The following PDE7B variants were observed in gnomAD, a reference collection of about 807,000 sequenced individuals.
PDE7B encodes the protein 3',5'-cyclic-AMP phosphodiesterase 7B.
In PDE7B, 29 loss-of-function variants were observed where a neutral mutation model predicts 56.2. The observed-to-expected ratio is 0.52, with a 90% CI of 0.38 to 0.70. PDE7B has a LOEUF of 0.70. Among genes scored for constraint, PDE7B ranks in the 30% least tolerant of loss-of-function variants. The pLI is 0.00. For synonymous variants in PDE7B, 197 were observed against 196.9 expected (o/e 1.00, Z 0.00); for missense variants, 490 against 565.0 (o/e 0.87, Z 1.35).
intron 1 of PDE7B, among the ~76,000 whole-genome samples, chr6:135,916,350 C>G (rs1261082892): frequency 1.3e-5 from 2 of 149,500 alleles, no homozygotes; most frequent in Non-Finnish European, 1.5e-5. Context: ...AGTGTATCTA[C>G]TCAAGTCTTT....
At chr6:135,887,527 A>G (rs773573732) in intron 1 of PDE7B, among the ~76,000 whole-genome samples, 5 of 152,180 alleles carry the variant, frequency 3.3e-5, no homozygotes, top group Non-Finnish European at 5.9e-5. Flanking sequence ...GGTGAACCCA[A>G]TATTGACAAA....
intron 2 of PDE7B, among the ~76,000 whole-genome samples, chr6:136,029,079 T>C (rs1776197140): frequency 6.6e-6 from 1 of 152,230 alleles, no homozygotes; most frequent in Non-Finnish European, 1.5e-5. Context: ...GTTTTATAAG[T>C]AATAATTATC....
At chr6:136,107,492 G>A (rs1273508133) in intron 2 of PDE7B, among the ~76,000 whole-genome samples, 1 of 151,678 alleles carries the variant, frequency 6.6e-6, no homozygotes, top group Non-Finnish European at 1.5e-5. Context: ...AGCATTCAAA[G>A]TGCTATTATG....
At position 135,867,624 on chromosome 6, in the gene PDE7B, CT is replaced by C. The variant is rs545502437; in HGVS notation, c.21+15606del. Among the ~76,000 whole-genome samples, 16 of 152,246 alleles carry C rather than the reference CT, an allele frequency of 1.1e-4. No individual in the cohort carries two copies. The South Asian group carries it at 3.3e-3, about 32-fold the overall frequency. On this transcript the variant is annotated intron_variant, in intron 1 of 12. Transcript: ENST00000308191. ...GTAGGCCCCAGTGTGCACTGTTCCC[CT>C]CTTAAATGGTAAGTTTTATGAAACG...
chr6:136,102,145 TAC>T (rs1777573711), intron 2 of PDE7B, among the ~76,000 whole-genome samples: 1 of 152,056 alleles, frequency 6.6e-6, no homozygotes, highest in Non-Finnish European at 1.5e-5. Flanking sequence ...GTGGGGATGA[TAC>T]ACACACCTAT....
intron 3 of PDE7B, among the ~76,000 whole-genome samples, chr6:136,134,716 G>A (rs1465489896): frequency 2.1e-5 from 3 of 142,980 alleles, no homozygotes; most frequent in Non-Finnish European, 4.5e-5. Context: ...CATTCGTTGG[G>A]ATGGAGTTTA....
chr6:135,998,020 G>A (rs148496919), intron 2 of PDE7B, among the ~76,000 whole-genome samples: 33 of 152,234 alleles, frequency 2.2e-4, no homozygotes, highest in Non-Finnish European at 2.8e-4. Context: ...TAAATTTTAC[G>A]TTAGGCAAGT....
chr6:135,947,753 A>G (rs760992161), intron 2 of PDE7B, among the ~76,000 whole-genome samples: 1 of 152,076 alleles, frequency 6.6e-6, no homozygotes, highest in Non-Finnish European at 1.5e-5. Flanking sequence ...GAGTCTTTCA[A>G]AAATTTTCTT....
At chr6:136,031,685 G>A (rs1037512662) in intron 2 of PDE7B, among the ~76,000 whole-genome samples, 3 of 143,388 alleles carry the variant, frequency 2.1e-5, no homozygotes, top group Non-Finnish European at 4.5e-5. Context: ...CTTGCAGTGA[G>A]CCGAGATCCC....
chr6:135,869,796 C>T (rs771492514), intron 1 of PDE7B, among the ~76,000 whole-genome samples: 29 of 152,050 alleles, frequency 1.9e-4, no homozygotes, highest in African/African-American at 5.3e-4. Flanking sequence ...AGAGTGATCC[C>T]GGCAGAGGAG....
At chr6:135,879,519 C>T (rs536904823) in intron 1 of PDE7B, among the ~76,000 whole-genome samples, 2 of 151,932 alleles carry the variant, frequency 1.3e-5, no homozygotes, top group Non-Finnish European at 2.9e-5. Context: ...CTCTGCAGGA[C>T]CTACAAAAAG....
chr6:136,001,005 C>T (rs972183725), intron 2 of PDE7B, among the ~76,000 whole-genome samples: 2 of 152,196 alleles, frequency 1.3e-5, no homozygotes, highest in African/African-American at 4.8e-5. Flanking sequence ...GACAAAACTT[C>T]CAGAGGAACA....
At chr6:136,099,017 C>A (rs1239058527) in intron 2 of PDE7B, among the ~76,000 whole-genome samples, 1 of 140,122 alleles carries the variant, frequency 7.1e-6, no homozygotes, top group Non-Finnish European at 1.5e-5. Context: ...TGAGTGAGAA[C>A]ATGCAGTGTA....
chr6:136,145,382 G>T (rs1358476603), intron 3 of PDE7B, among the ~76,000 whole-genome samples: 1 of 151,932 alleles, frequency 6.6e-6, no homozygotes, highest in East Asian at 1.9e-4. Context: ...TTATTCTCTA[G>T]TATAACAAGG....
intron 1 of PDE7B, among the ~76,000 whole-genome samples, 174 bp from the exon 2 acceptor site, chr6:135,947,290 T>C (rs538517810): frequency 1.2e-4 from 19 of 152,212 alleles, no homozygotes; most frequent in African/African-American, 4.6e-4. Flanking sequence ...AACTTATCCC[T>C]CAAATATTTT....
At chr6:135,925,104 A>C (rs1271482876) in intron 1 of PDE7B, among the ~76,000 whole-genome samples, 1 of 151,374 alleles carries the variant, frequency 6.6e-6, no homozygotes, top group Admixed American at 6.6e-5. Context: ...TCAAGATATT[A>C]TTCAATTAAA....
intron 1 of PDE7B, among the ~76,000 whole-genome samples, chr6:135,880,066 C>T (rs188150036): frequency 2.1e-3 from 316 of 152,256 alleles, no homozygotes; most frequent in Middle Eastern, 3.4e-3. Flanking sequence ...AAGGCAGATG[C>T]TCTGGAAAAA....
chr6:136,185,910 CCAGATT>C (rs1342842261), intron 11 of PDE7B, among the ~76,000 whole-genome samples: 2 of 152,112 alleles, frequency 1.3e-5, no homozygotes, highest in Non-Finnish European at 2.9e-5. Context: ...CACTCATTAA[CCAGATT>C]GTTTTTTCCA....
At chr6:136,029,528 T>C (rs937882441) in intron 2 of PDE7B, among the ~76,000 whole-genome samples, 1 of 152,148 alleles carries the variant, frequency 6.6e-6, no homozygotes, top group Admixed American at 6.5e-5. Context: ...AGAAATCTTA[T>C]CAGCAGACCA....
Sources: gnomAD v4.1 joint callset for allele counts (sites outside exome capture counted in the v4.1 genomes callset) on GRCh38, gnomAD v4.1.1 for gene constraint, MANE v1.5 for transcripts, NCBI Gene and HGNC (gene_info 2026-07-23, HGNC 2026-07-21) for gene names.